CD99L2: variants seen among roughly 807,000 people sequenced by gnomAD.
CD99L2 encodes CD99 molecule like 2.
Under a neutral mutation model 27.3 loss-of-function variants are expected in CD99L2, and 24 were observed. The ratio of observed to expected loss-of-function variants is 0.88; its 90% CI spans 0.64 to 1.24. CD99L2 has a LOEUF of 1.24. CD99L2 is among the 50% of genes most tolerant of loss of function. CD99L2 has a pLI of 0.00. For missense variants in CD99L2, 255 were observed against 221.6 expected (o/e 1.15, Z -0.96); for synonymous variants, 97 against 87.9 (o/e 1.10, Z -0.58).
intron 10 of CD99L2, among the ~76,000 whole-genome samples, chrX:150,769,785 T>C (rs77020140): frequency 9.3e-6 from 1 of 107,483 alleles, no homozygotes; most frequent in African/African-American, 3.2e-5. Flanking sequence ...TTGGGCACTC[T>C]AGGCCTGTGG....
At chrX:150,820,648 A>G (rs1419509041) in intron 2 of CD99L2, among the ~76,000 whole-genome samples, 1 of 111,939 alleles carries the variant, frequency 8.9e-6, no homozygotes, top group East Asian at 2.8e-4. Flanking sequence ...CTTATTCAAC[A>G]TTGTAATGGA....
intron 1 of CD99L2, among the ~76,000 whole-genome samples, chrX:150,837,335 C>T (rs1181767636): frequency 2.7e-5 from 3 of 110,832 alleles, no homozygotes; most frequent in Admixed American, 9.6e-5. Flanking sequence ...CTGCAACCTC[C>T]GCCACCCAGA....
chrX:150,809,310 A>G (rs1387958153), intron 4 of CD99L2, among the ~76,000 whole-genome samples: 3 of 111,798 alleles, frequency 2.7e-5, no homozygotes, highest in African/African-American at 9.8e-5. Flanking sequence ...CAAGACCCCT[A>G]GCCCCAGATG....
At chrX:150,770,421 C>A in intron 9 of CD99L2, 52 bp from the exon 10 acceptor site, 1 of 1,085,146 alleles carries the variant, frequency 9.2e-7, no homozygotes, top group African/African-American at 1.8e-5. Flanking sequence ...CTAAGGGTCC[C>A]CAATCGTGAC....
In CD99L2 at chrX:150,841,640, C is replaced by T. The variant is rs189803628; in HGVS notation, c.68-10347G>A. 8.1e-5 allele frequency among the ~76,000 whole-genome samples: 9 copies of T among 111,327 alleles called. No individual in the cohort carries two copies. The East Asian group carries it at 2.3e-3, about 28-fold the overall frequency. ...TAAGACGTTTTTAGCCTCAGCCATT[C>T]CCCCTACTGCTTGCTCATATATCCT... On this transcript the variant is annotated intron_variant, in intron 1 of 10. Transcript: ENST00000370377.
chrX:150,784,880 G>A lies in CD99L2; in HGVS notation c.497-7398C>T, dbSNP rs781967226. On this transcript the variant is annotated intron_variant, in intron 7 of 10. Coordinates refer to ENST00000370377, the MANE Select transcript of CD99L2 (RefSeq NM_031462.4). ...ATGACATGTGCTATCCTGTACCAGC[G>A]GAGTGACAGAAGCTCTAGGAGAGCC... Among the ~76,000 whole-genome samples, 28 of 112,070 alleles carry A rather than the reference G, an allele frequency of 2.5e-4. No homozygotes were observed. In the South Asian group the frequency reaches 9.7e-3, roughly 39 times the overall value.
At chrX:150,815,731 G>A (rs1339433471) in intron 3 of CD99L2, among the ~76,000 whole-genome samples, 1 of 112,179 alleles carries the variant, frequency 8.9e-6, no homozygotes, top group Non-Finnish European at 1.9e-5. Context: ...CATTTTCCCT[G>A]ATTTTAGAAA....
chrX:150,896,395 C>T (rs1164929602), intron 1 of CD99L2, among the ~76,000 whole-genome samples: 1 of 111,964 alleles, frequency 8.9e-6, no homozygotes, highest in East Asian at 2.8e-4. Flanking sequence ...TAGACTCCGT[C>T]TCAAAAAAAT....
intron 4 of CD99L2, among the ~76,000 whole-genome samples, chrX:150,801,132 A>G (rs1354503638): frequency 9.0e-6 from 1 of 111,401 alleles, no homozygotes; most frequent in African/African-American, 3.3e-5. Flanking sequence ...AGGAATTATC[A>G]CCAATTGTAT....
chrX:150,802,542 G>T (rs2045924394), intron 4 of CD99L2, among the ~76,000 whole-genome samples: 1 of 105,003 alleles, frequency 9.5e-6, no homozygotes, highest in African/African-American at 3.4e-5. Flanking sequence ...CTCCAGTCTG[G>T]GCAGCAGAGC....
chrX:150,794,035 G>C (rs981851674), intron 6 of CD99L2, among the ~76,000 whole-genome samples: 4 of 111,197 alleles, frequency 3.6e-5, no homozygotes, highest in Admixed American at 1.9e-4. Flanking sequence ...ATTTTGCAGA[G>C]GTGATTAAGG....
intron 1 of CD99L2, among the ~76,000 whole-genome samples, chrX:150,838,610 AG>A (rs2046569102): frequency 9.1e-6 from 1 of 109,543 alleles, no homozygotes; most frequent in African/African-American, 3.3e-5. Flanking sequence ...AACCCATTTA[AG>A]GGGAAAAAAT....
chrX:150,814,803 G>T (rs2046127398), intron 4 of CD99L2, 59 bp downstream of exon 4: 2 of 1,042,697 alleles, frequency 1.9e-6, no homozygotes, highest in Non-Finnish European at 2.7e-6. Context: ...TCTGTGGGAT[G>T]TTGATGTTGT....
At chrX:150,769,657 A>G (rs2043383215) in intron 10 of CD99L2, among the ~76,000 whole-genome samples, 1 of 108,039 alleles carries the variant, frequency 9.3e-6, no homozygotes, top group South Asian at 3.7e-4. Context: ...CACTCGCCTG[A>G]GCTGTCCTAG....
At chrX:150,847,415 G>C (rs782224734) in intron 1 of CD99L2, among the ~76,000 whole-genome samples, 4 of 111,906 alleles carry the variant, frequency 3.6e-5, no homozygotes, top group Admixed American at 2.8e-4. Context: ...CTGGGATTCT[G>C]ATAGGGATTG....
At chrX:150,796,856 T>C (rs781948922) in intron 4 of CD99L2, among the ~76,000 whole-genome samples, 158 of 111,425 alleles carry the variant, frequency 1.4e-3, no homozygotes, top group Non-Finnish European at 2.6e-3. Flanking sequence ...AACAAGAAAA[T>C]CTCTAAACAT....
intron 1 of CD99L2, among the ~76,000 whole-genome samples, chrX:150,866,628 C>T (rs2047065806): frequency 1.8e-5 from 2 of 111,513 alleles, no homozygotes; most frequent in South Asian, 3.8e-4. Context: ...AGATTAAGTT[C>T]TACTATTATA....
At position 150,898,636 on chromosome X, in the gene CD99L2, G is replaced by C; in HGVS notation, c.-48C>G. On this transcript the variant is annotated 5_prime_UTR_variant, in exon 1 of 11. Coordinates refer to ENST00000370377, the MANE Select transcript of CD99L2 (RefSeq NM_031462.4). ...CCGGAGGAGCACAGTTAGCGCGAGA[G>C]CGCCCGAAGGGGAGGCCGAGGAGGA... The C allele has an allele frequency of 9.6e-7, 1 of 1,042,278 alleles. No individual in the cohort carries two copies. The highest frequency in any genetic ancestry group is 1.2e-6 in the Non-Finnish European group (1 of 803,180). The allele number at this position is 1,042,278 out of a possible 1,213,427, so 85.9% of individuals were successfully genotyped here.
intron 1 of CD99L2, among the ~76,000 whole-genome samples, chrX:150,892,814 T>C (rs72612732): frequency 0.24 from 26,226 of 108,765 alleles, 2,351 homozygotes; most frequent in Middle Eastern, 0.38. Context: ...GGATGGTTTC[T>C]GTGCACGTGT....
Sources: gnomAD v4.1 joint callset for allele counts (sites outside exome capture counted in the v4.1 genomes callset) on GRCh38, gnomAD v4.1.1 for gene constraint, MANE v1.5 for transcripts, NCBI Gene and HGNC (gene_info 2026-07-23, HGNC 2026-07-21) for gene names.